The following PCDH15 variants were observed in gnomAD, a reference collection of about 807,000 sequenced individuals.
PCDH15 encodes the protein protocadherin related 15.
PCDH15 carries 129 observed loss-of-function variants against 178.5 expected under a neutral mutation model. The ratio of observed to expected loss-of-function variants is 0.72; its 90% confidence interval spans 0.63 to 0.84. The LOEUF is 0.84. Among genes scored for constraint, PCDH15 ranks in the 40% least tolerant of loss-of-function variants. PCDH15 has a pLI of 0.00. For synonymous variants in PCDH15, 800 were observed against 732.0 expected, an observed-to-expected ratio of 1.09 and a Z score of -1.50; for missense variants, 2,230 against 2,099.9, an observed-to-expected ratio of 1.06 and a Z score of -1.21.
At chr10:55,096,769 A>T (rs1436951665) in intron 2 of PCDH15, among the ~76,000 whole-genome samples, 2 of 152,110 alleles carry the variant, frequency 1.3e-5, no homozygotes, top group African/African-American at 4.8e-5. Flanking sequence ...TTCATGTAGC[A>T]TAACGTCCTC....
chr10:54,103,353 T>C (rs1454906145), intron 15 of PCDH15, among the ~76,000 whole-genome samples: 2 of 152,240 alleles, frequency 1.3e-5, no homozygotes, highest in Non-Finnish European at 2.9e-5. Context: ...TTATGGTAAC[T>C]ACACCCACCT....
chr10:54,816,582 G>A (rs1215687053), intron 3 of PCDH15, among the ~76,000 whole-genome samples: 18 of 151,978 alleles, frequency 1.2e-4, no homozygotes, highest in Admixed American at 1.2e-3. Flanking sequence ...AAAAGTAAAG[G>A]GGAGTGTTTC....
intron 35 of PCDH15, among the ~76,000 whole-genome samples, chr10:53,813,174 C>T (rs1476132192): frequency 1.3e-5 from 2 of 152,098 alleles, no homozygotes. Context: ...CAAGCATGTC[C>T]TCTCCTGTTT....
At chr10:54,348,334 C>T (rs148885713) in intron 5 of PCDH15, among the ~76,000 whole-genome samples, 19 of 152,202 alleles carry the variant, frequency 1.2e-4, no homozygotes, top group Admixed American at 1.2e-3. Flanking sequence ...GCATTGAAGG[C>T]AAACTTTGGA....
intron 3 of PCDH15, among the ~76,000 whole-genome samples, chr10:54,490,629 C>T (rs1008937755): frequency 1.3e-5 from 2 of 151,960 alleles, no homozygotes; most frequent in African/African-American, 4.8e-5. Context: ...AGCTGTATAA[C>T]TTTAAAAACA....
In PCDH15 at chr10:54,238,998, A is replaced by G. The variant is rs555770969; in HGVS notation, c.877-2067T>C. ...CATTTCAAATCTGAGGATTTTCTGC[A>G]GTTCCATTCTGCATCTCATAGTCAG... On this transcript the variant is annotated intron_variant, in intron 8 of 37. Transcript: ENST00000644397. 2.2e-4 allele frequency among the ~76,000 whole-genome samples: 34 copies of G among 152,252 alleles called. No individual in the cohort carries two copies. In the South Asian group the frequency reaches 6.2e-3, roughly 28 times the overall value.
At chr10:55,561,099 T>C (rs1393988880) in intron 2 of PCDH15, among the ~76,000 whole-genome samples, 2 of 151,812 alleles carry the variant, frequency 1.3e-5, no homozygotes, top group South Asian at 4.1e-4. Context: ...TCAGGTGTTA[T>C]CTAGGGAGTA....
chr10:54,619,411 G>A (rs1431320398), intron 2 of PCDH15: 1 of 152,046 alleles, frequency 6.6e-6, no homozygotes. Flanking sequence ...GTTTCATAAT[G>A]ACATTGAGAT....
At chr10:54,667,027 T>A (rs561081691) in intron 1 of PCDH15, among the ~76,000 whole-genome samples, 3 of 151,982 alleles carry the variant, frequency 2.0e-5, no homozygotes, top group Non-Finnish European at 4.4e-5. Flanking sequence ...TTTTAGAGGA[T>A]TATATGCATA....
intron 29 of PCDH15, among the ~76,000 whole-genome samples, chr10:53,838,746 A>C (rs970009874): frequency 6.6e-6 from 1 of 151,616 alleles, no homozygotes; most frequent in Admixed American, 6.6e-5. Flanking sequence ...TAAATTAATA[A>C]ACTTTTTAAA....
chr10:54,881,392 A>AT (rs1188292689), intron 3 of PCDH15, among the ~76,000 whole-genome samples: 1 of 152,080 alleles, frequency 6.6e-6, no homozygotes, highest in Non-Finnish European at 1.5e-5. Flanking sequence ...TTCATTTTCT[A>AT]TTTGAGTTCC....
At chr10:54,056,483 G>A (rs563866916) in intron 18 of PCDH15, among the ~76,000 whole-genome samples, 1 of 152,286 alleles carries the variant, frequency 6.6e-6, no homozygotes, top group African/African-American at 2.4e-5. Flanking sequence ...GAGAGCTTGT[G>A]CAGGGGATCT....
chr10:54,059,243 C>T (rs2093964749), intron 18 of PCDH15, among the ~76,000 whole-genome samples: 1 of 152,068 alleles, frequency 6.6e-6, no homozygotes, highest in Non-Finnish European at 1.5e-5. Flanking sequence ...TTTCATTATG[C>T]CACTTTTAAA....
intron 1 of PCDH15, among the ~76,000 whole-genome samples, chr10:54,782,050 A>G (rs1379589357): frequency 1.3e-5 from 2 of 152,222 alleles, no homozygotes; most frequent in African/African-American, 2.4e-5. Flanking sequence ...TACATTCTTT[A>G]ATAAGCAAAG....
rs1352255429 is a variant in PCDH15, at chr10:54,480,939, T to C, written c.157+46873A>G. Among the ~76,000 whole-genome samples the C allele has an allele frequency of 2.0e-5, 3 of 151,930 alleles. No homozygotes were observed. In the East Asian group the frequency reaches 5.8e-4, roughly 29 times the overall value. Reference sequence around the variant, plus strand: ...GATTTTCATTTTTTTCTATCGACAGTATAAACATTAGTATAGAAGTATGAG... The same window carrying C: ...GATTTTCATTTTTTTCTATCGACAGCATAAACATTAGTATAGAAGTATGAG... On this transcript the variant is annotated intron_variant, in intron 3 of 37. Coordinates refer to ENST00000644397, the MANE Select transcript of PCDH15 (RefSeq NM_001384140.1).
intron 26 of PCDH15, among the ~76,000 whole-genome samples, chr10:53,871,318 G>A (rs953773005): frequency 1.3e-5 from 2 of 152,138 alleles, no homozygotes; most frequent in African/African-American, 4.8e-5. Context: ...TCCAGCCTGG[G>A]TGACAGAGCG....
chr10:54,026,694 C>A (rs1003939542), intron 18 of PCDH15, among the ~76,000 whole-genome samples: 1 of 152,128 alleles, frequency 6.6e-6, no homozygotes, highest in Non-Finnish European at 1.5e-5. Context: ...GGGATGAAGT[C>A]CACTTGACAG....
chr10:55,578,759 G>A (rs978715173), intron 2 of PCDH15, among the ~76,000 whole-genome samples: 1 of 152,086 alleles, frequency 6.6e-6, no homozygotes, highest in Non-Finnish European at 1.5e-5. Context: ...GAAGGGGAAG[G>A]GGGAGCAAAG....
chr10:54,889,629 G>A (rs1954425880), intron 3 of PCDH15, among the ~76,000 whole-genome samples: 1 of 150,896 alleles, frequency 6.6e-6, no homozygotes, highest in South Asian at 2.1e-4. Context: ...TCTATACTAT[G>A]ACTACTTGAG....
Sources: gnomAD v4.1 joint callset for allele counts (sites outside exome capture counted in the v4.1 genomes callset) on GRCh38, gnomAD v4.1.1 for gene constraint, MANE v1.5 for transcripts, NCBI Gene and HGNC (gene_info 2026-07-23, HGNC 2026-07-21) for gene names.